The following BMP3 variants were observed in gnomAD, a reference collection of about 807,000 sequenced individuals.
BMP3 encodes bone morphogenetic protein 3, also known as bone morphogenetic protein 3 (osteogenic).
In BMP3, 23 loss-of-function variants were observed where a neutral mutation model predicts 38.1. The observed-to-expected ratio is 0.60, with a 90% CI of 0.43 to 0.86. The LOEUF (loss-of-function observed/expected upper bound fraction) is 0.86. Among genes scored for constraint, BMP3 ranks in the 40% least tolerant of loss-of-function variants. The pLI, the probability that BMP3 is intolerant of heterozygous loss-of-function variation, is 0.00. For missense variants in BMP3, 628 were observed against 579.6 expected, an observed-to-expected ratio of 1.08 and a Z score of -0.86; for synonymous variants, 258 against 225.7, an observed-to-expected ratio of 1.14 and a Z score of -1.28.
chr4:81,045,229 A>T (rs1438763980), intron 1 of BMP3, among the ~76,000 whole-genome samples: 1 of 152,114 alleles, frequency 6.6e-6, no homozygotes. Context: ...GCATCTTGTC[A>T]TGTGCTTCTT....
chr4:81,046,154 A>G lies in BMP3; in HGVS notation c.733A>G (p.Asn245Asp), dbSNP rs1404934230. ...FPEPYILVYA[N>D]DAAISEPESV... ...AGAGCCTTATATCTTGGTATATGCC[A>G]ATGATGCCGCCATTTCTGAGCCAGA... The change falls in exon 2 of 3, where the codon AAT (asparagine) becomes GAT (aspartate). Residue 245 changes from asparagine to aspartate, a missense_variant. Physicochemically the swap from Asn to Asp is conservative, Grantham distance 23. Transcript: ENST00000282701. 2 of 1,614,116 alleles carry G rather than the reference A, an allele frequency of 1.2e-6. No individual in the cohort carries two copies. Among genetic ancestry groups the G allele is most frequent in the Admixed American group, 1.7e-5 (1 of 60,000 alleles).
At chr4:81,040,063 AAG>A (rs1196001906) in intron 1 of BMP3, among the ~76,000 whole-genome samples, 1 of 152,164 alleles carries the variant, frequency 6.6e-6, no homozygotes, top group Non-Finnish European at 1.5e-5. Flanking sequence ...AAGTGTGTAA[AAG>A]AGAGTATAGC....
chr4:81,046,218 C>G lies in BMP3; in HGVS notation c.797C>G (p.Pro266Arg). The G allele has an allele frequency of 6.2e-7, 1 of 1,614,072 alleles. No homozygotes were observed. The highest frequency in any genetic ancestry group is 8.5e-7 in the Non-Finnish European group (1 of 1,180,016). Residue 266 changes from proline to arginine, a missense_variant, in exon 2 of 3, where the codon CCC (proline) becomes CGC (arginine). Pro to Arg is a moderately radical substitution (Grantham distance 103). Coordinates refer to ENST00000282701, the MANE Select transcript of BMP3 (RefSeq NM_001201.5). ...VSSLQGHRNF[P>R]TGTVPKWDSH... ...AGCTTACAGGGACACCGGAATTTTC[C>G]CACTGGAACTGTTCCCAAATGGGAT...
rs34505126 is a variant in BMP3 at position 81,046,086 on chromosome 4, C to A, written c.665C>A (p.Thr222Lys). The A allele has an allele frequency of 1.2e-6, 2 of 1,614,048 alleles. No homozygotes were observed. The highest frequency in any genetic ancestry group is 1.6e-4 in the Middle Eastern group (1 of 6,082). The change falls in exon 2 of 3, where the codon ACG (threonine) becomes AAG (lysine). Residue 222 changes from threonine (T) to lysine (K), a missense_variant. By Grantham distance (78) the Thr-to-Lys change is moderately conservative. Coordinates refer to ENST00000282701, the MANE Select transcript of BMP3 (RefSeq NM_001201.5). ...NEEFLIGFNI[T>K]SKGRQLPKRR... is the part of the protein sequence containing the mutation. Reference sequence around the variant, plus strand: ...GAGTTCCTCATAGGATTTAACATTACGTCCAAGGGACGCCAGCTGCCAAAG... The same window carrying A: ...GAGTTCCTCATAGGATTTAACATTAAGTCCAAGGGACGCCAGCTGCCAAAG...
chr4:81,031,221 C>T lies in BMP3; in HGVS notation c.-64C>T, dbSNP rs941972422. 44 of 1,467,560 alleles carry T rather than the reference C, an allele frequency of 3.0e-5. No homozygotes were observed. Among genetic ancestry groups the T allele is most frequent in the Non-Finnish European group, 3.7e-5 (41 of 1,105,222 alleles). 90.9% of individuals were successfully genotyped at this position (1,467,560 alleles called of 1,614,324 possible). On this transcript the variant is annotated 5_prime_UTR_variant, in exon 1 of 3. Transcript: ENST00000282701. ...TCAACCCTCGGCTCCGCCGCCGGCT[C>T]CTTGCGCCTTCGGAGTGTCCCGCAG... is the stretch of plus-strand genomic sequence containing the variant.
intron 1 of BMP3, 40 bp from the exon 2 acceptor site, chr4:81,045,698 T>A: frequency 6.9e-7 from 1 of 1,459,542 alleles, no homozygotes; most frequent in Non-Finnish European, 9.3e-7. Flanking sequence ...AGTAATGGTC[T>A]TGTTTTCTCC....
At chr4:81,032,498 C>A (rs1739808275) in intron 1 of BMP3, among the ~76,000 whole-genome samples, 2 of 152,218 alleles carry the variant, frequency 1.3e-5, no homozygotes, top group African/African-American at 4.8e-5. Flanking sequence ...GGGAAAGCTT[C>A]CTGGACACTA....
intron 1 of BMP3, among the ~76,000 whole-genome samples, chr4:81,039,979 T>A (rs1176242733): frequency 6.6e-6 from 1 of 151,972 alleles, no homozygotes; most frequent in Non-Finnish European, 1.5e-5. Context: ...AAAAAACAAA[T>A]CTGGATTATC....
chr4:81,041,969 A>G (rs1740091505), intron 1 of BMP3, among the ~76,000 whole-genome samples: 1 of 151,596 alleles, frequency 6.6e-6, no homozygotes, highest in Non-Finnish European at 1.5e-5. Context: ...TTCCATTTTG[A>G]CTACAAAACT....
Position 81,057,280 on chromosome 4 carries a change from C to T in BMP3, c.*3744C>T, listed in dbSNP as rs555010746. 1 of 151,756 alleles carries T rather than the reference C, an allele frequency of 6.6e-6. No individual in the cohort carries two copies. Among genetic ancestry groups the T allele is most frequent in the East Asian group, 1.9e-4 (1 of 5,190 alleles). 9.4% of individuals were successfully genotyped at this position (151,756 alleles called of 1,614,324 possible). A position where few individuals can be genotyped will look rare whatever the true frequency, so the allele number is the denominator to read the frequency against. ...CTTTTAATTTATTTAATGACTATTG[C>T]CTTCCTATAATAATAATTTTCATCC... is the stretch of plus-strand genomic sequence containing the variant. On this transcript the variant is annotated 3_prime_UTR_variant, in exon 3 of 3. Coordinates refer to ENST00000282701, the MANE Select transcript of BMP3 (RefSeq NM_001201.5).
chr4:81,044,667 G>C (rs1388993478), intron 1 of BMP3, among the ~76,000 whole-genome samples: 1 of 152,090 alleles, frequency 6.6e-6, no homozygotes, highest in African/African-American at 2.4e-5. Context: ...ACACCGATCT[G>C]ATTCTGTCTC....
At chr4:81,053,266 C>T in intron 2 of BMP3, 79 bp from the exon 3 acceptor site, 1 of 1,027,744 alleles carries the variant, frequency 9.7e-7, no homozygotes, top group Non-Finnish European at 1.4e-6. Context: ...ATTAGATAAG[C>T]ATTTTGTGTA....
chr4:81,044,057 G>T lies in BMP3; in HGVS notation c.317-1681G>T, dbSNP rs535452058. ...TCTGATGACATGGGAGGTAGATATT[G>T]TCTCATTTTGTGAATGAGAATATTA... On this transcript the variant is annotated intron_variant, in intron 1 of 2. Coordinates refer to ENST00000282701, the MANE Select transcript of BMP3 (RefSeq NM_001201.5). Among the ~76,000 whole-genome samples the T allele has an allele frequency of 1.1e-3, 166 of 152,268 alleles. 1 individual carries two copies. The highest frequency in any genetic ancestry group is 0.01 in the Middle Eastern group (3 of 294).
At chr4:81,040,000 A>T (rs1740027256) in intron 1 of BMP3, among the ~76,000 whole-genome samples, 1 of 152,128 alleles carries the variant, frequency 6.6e-6, no homozygotes, top group Non-Finnish European at 1.5e-5. Context: ...AAGGAGAAAA[A>T]TCGTGGGTAG....
intron 1 of BMP3, among the ~76,000 whole-genome samples, chr4:81,034,144 G>A (rs1355234770): frequency 6.6e-6 from 1 of 152,152 alleles, no homozygotes; most frequent in Non-Finnish European, 1.5e-5. Flanking sequence ...TTACTTGATG[G>A]TGGGTGGCAT....
At chr4:81,050,460 C>T (rs1740374934) in intron 2 of BMP3, among the ~76,000 whole-genome samples, 1 of 151,454 alleles carries the variant, frequency 6.6e-6, no homozygotes, top group African/African-American at 2.4e-5. Flanking sequence ...ACAGAAATTT[C>T]AAATGAAAGT....
intron 2 of BMP3, among the ~76,000 whole-genome samples, chr4:81,049,490 A>G (rs11939234): frequency 0.01 from 1,592 of 152,286 alleles, 27 homozygotes; most frequent in African/African-American, 0.036. Context: ...CATAACAGGG[A>G]TAAGTGTGGA....
intron 2 of BMP3, among the ~76,000 whole-genome samples, chr4:81,047,668 CT>C (rs778920274): frequency 2.6e-4 from 39 of 151,940 alleles, no homozygotes; most frequent in Non-Finnish European, 2.5e-4. Flanking sequence ...AATCCTTTGT[CT>C]CAACAAATGA....
At position 81,031,393 on chromosome 4, in the gene BMP3, C is replaced by T; in HGVS notation, c.109C>T (p.Pro37Ser). 2 of 1,613,702 alleles carry T rather than the reference C, an allele frequency of 1.2e-6. No individual in the cohort carries two copies. Among genetic ancestry groups the T allele is most frequent in the Non-Finnish European group, 1.7e-6 (2 of 1,179,886 alleles). Reference protein sequence around the residue: ...PPFPELRKAVPGDRTAGGGPD... With the variant: ...PPFPELRKAVSGDRTAGGGPD... ...TTTCCCGGAGCTCCGCAAAGCTGTG[C>T]CAGGTGACCGCACGGCAGGTGGTGG... The change falls in exon 1 of 3, where the codon CCA (proline) becomes TCA (serine). Residue 37 changes from proline to serine, a missense_variant. Transcript: ENST00000282701.
Sources: allele counts gnomAD v4.1 joint callset (sites outside exome capture counted in the v4.1 genomes callset), GRCh38; gene constraint gnomAD v4.1.1; transcripts MANE v1.5; gene names NCBI Gene and HGNC (gene_info 2026-07-23, HGNC 2026-07-21).